Variants in PCGF3 observed in about 807,000 individuals in gnomAD.
The protein encoded by PCGF3 is polycomb group RING finger protein 3.
In PCGF3, 7 loss-of-function variants were observed where a neutral mutation model predicts 33.1. The observed-to-expected ratio is 0.21, with a 90% CI of 0.12 to 0.40. The LOEUF (loss-of-function observed/expected upper bound fraction) is 0.40, where lower values mean the gene tolerates loss of function less well. Among genes scored for constraint, PCGF3 ranks in the 10% least tolerant of loss-of-function variants. The pLI, the probability that PCGF3 is intolerant of heterozygous loss-of-function variation, is 1.00. For synonymous variants in PCGF3, 153 were observed against 121.3 expected, an observed-to-expected ratio of 1.26 and a Z score of -1.72; for missense variants, 211 against 313.3, an observed-to-expected ratio of 0.67 and a Z score of 2.46.
chr4:709,535 CAAAT>C (rs1283439347), intron 1 of PCGF3, among the ~76,000 whole-genome samples: 3 of 152,254 alleles, frequency 2.0e-5, no homozygotes, highest in East Asian at 1.9e-4. Context: ...GATGTATGAA[CAAAT>C]GAATGAAAGG....
intron 9 of PCGF3, chr4:762,265 G>T: frequency 4.2e-6 from 1 of 240,416 alleles, no homozygotes; most frequent in Non-Finnish European, 6.7e-6. Flanking sequence ...CATGACACAA[G>T]TGAGGCGGAG....
At chr4:733,934 A>G (rs1236525891) in intron 4 of PCGF3, 145 bp downstream of exon 4, 3 of 1,557,272 alleles carry the variant, frequency 1.9e-6, no homozygotes, top group South Asian at 1.2e-5. Context: ...GACGATCTTG[A>G]AGATAAGTCA....
chr4:765,082 A>G lies in PCGF3; in HGVS notation c.681+18A>G. 1 of 1,561,696 alleles carries G rather than the reference A, an allele frequency of 6.4e-7. No individual in the cohort carries two copies. The highest frequency in any genetic ancestry group is 1.7e-4 in the Middle Eastern group (1 of 5,944). On this transcript the variant is annotated intron_variant, in intron 10 of 10. Coordinates refer to ENST00000362003, the Ensembl canonical transcript of PCGF3. ...GATTCAAGGTGAGACACGTGATTTG[A>G]TTTTCAGAGTCTGCTCTGAATGGCA...
intron 1 of PCGF3, among the ~76,000 whole-genome samples, chr4:714,832 G>A (rs1335549749): frequency 2.6e-5 from 4 of 152,214 alleles, no homozygotes; most frequent in African/African-American, 9.6e-5. Context: ...TAGCTTATTT[G>A]GGACCTTAAT....
exon 11 of PCGF3, chr4:766,759 C>A (rs1331967949): frequency 6.6e-6 from 1 of 152,210 alleles, no homozygotes; most frequent in South Asian, 2.1e-4. Context: ...GCTGACACAC[C>A]CAGCCCTGGA....
At chr4:758,040 C>T (rs142984892) in intron 8 of PCGF3, among the ~76,000 whole-genome samples, 2,495 of 151,856 alleles carry the variant, frequency 0.016, 76 homozygotes, top group African/African-American at 0.056. Context: ...TGATGGTGCG[C>T]GCCTGTAGTC....
At chr4:708,395 A>G (rs1429374308) in intron 1 of PCGF3, among the ~76,000 whole-genome samples, 1 of 152,124 alleles carries the variant, frequency 6.6e-6, no homozygotes, top group Admixed American at 6.5e-5. Context: ...GGAATCCAGC[A>G]GTGTCCTGAA....
rs1223293307 is a variant in PCGF3, at chr4:766,018, C to A, written c.682-14C>A. The A allele has an allele frequency of 2.5e-6, 4 of 1,613,708 alleles. No individual in the cohort carries two copies. The highest frequency in any genetic ancestry group is 2.5e-6 in the Non-Finnish European group (3 of 1,179,608). On this transcript the variant is annotated splice_polypyrimidine_tract_variant and intron_variant, in intron 10 of 10. Transcript: ENST00000362003. ...CCCTGCTAAGCAGGCACTGTGCGTT[C>A]TTGTGTCTTCCAGAAGGCGCCGCTC...
intron 9 of PCGF3, chr4:761,662 T>C: frequency 1.0e-6 from 1 of 985,254 alleles, no homozygotes; most frequent in Non-Finnish European, 1.2e-6. Context: ...GCGGGGATGA[T>C]GAGACTGTTT....
chr4:753,979 A>G (rs1480840471), intron 8 of PCGF3, among the ~76,000 whole-genome samples: 1 of 152,180 alleles, frequency 6.6e-6, no homozygotes, highest in Non-Finnish European at 1.5e-5. Flanking sequence ...GCAGCTGCCC[A>G]GTGGACTTCA....
At chr4:726,584 G>A (rs979991294) in intron 1 of PCGF3, among the ~76,000 whole-genome samples, 5 of 152,128 alleles carry the variant, frequency 3.3e-5, no homozygotes, top group South Asian at 2.1e-4. Flanking sequence ...TTTCTGTCTC[G>A]TAAATCTTCT....
intron 1 of PCGF3, among the ~76,000 whole-genome samples, chr4:729,681 C>T (rs1036327081): frequency 5.3e-5 from 8 of 152,240 alleles, no homozygotes; most frequent in Non-Finnish European, 1.2e-4. Flanking sequence ...TAACTCTACT[C>T]TTTCCCTTCT....
intron 1 of PCGF3, among the ~76,000 whole-genome samples, chr4:706,531 A>C (rs1307469366): frequency 4.9e-5 from 7 of 144,254 alleles, no homozygotes; most frequent in Non-Finnish European, 1.1e-4. Flanking sequence ...CCAAGACCCC[A>C]GACCAGGCAG....
chr4:763,744 A>G (rs1745199590), intron 9 of PCGF3, among the ~76,000 whole-genome samples: 1 of 152,146 alleles, frequency 6.6e-6, no homozygotes, highest in African/African-American at 2.4e-5. Context: ...CCCACACAAA[A>G]ACCTGCACCC....
At chr4:708,877 C>T (rs757260634) in intron 1 of PCGF3, among the ~76,000 whole-genome samples, 3 of 152,154 alleles carry the variant, frequency 2.0e-5, no homozygotes, top group Non-Finnish European at 2.9e-5. Flanking sequence ...AGGCTATTTC[C>T]CACTCCCTCT....
chr4:765,547 A>G (rs6858101), intron 10 of PCGF3, among the ~76,000 whole-genome samples: 103,711 of 152,212 alleles, frequency 0.68, 35,663 homozygotes, highest in Middle Eastern at 0.85. Flanking sequence ...TGAGCTGCGA[A>G]GGGCACAGGC....
In PCGF3 at chr4:721,491, C is replaced by T. The variant is rs928530972; in HGVS notation, c.-189-9139C>T. On this transcript the variant is annotated intron_variant, in intron 1 of 10. Transcript: ENST00000362003. This position sits in a 1 kb window ranked among gnomAD's most constrained non-coding sequence, Gnocchi z 4.1. Reference sequence around the variant, plus strand: ...GAGGCGTCCAGGCTGCAGAGGGTGCCGGGGTGGAGAGCGGAAGAGAGAGGG... The same window carrying T: ...GAGGCGTCCAGGCTGCAGAGGGTGCTGGGGTGGAGAGCGGAAGAGAGAGGG... Among the ~76,000 whole-genome samples the T allele has an allele frequency of 5.9e-5, 9 of 151,986 alleles. No individual in the cohort carries two copies. The highest frequency in any genetic ancestry group is 8.8e-5 in the Non-Finnish European group (6 of 67,988).
chr4:730,739 C>A, intron 2 of PCGF3, 71 bp downstream of exon 2: 1 of 331,210 alleles, frequency 3.0e-6, no homozygotes. Flanking sequence ...CGGGACCACG[C>A]TTTGTGCATG....
rs112398724 is a variant in PCGF3 at position 720,632 on chromosome 4, C to T, written c.-189-9998C>T. 1.5e-3 allele frequency among the ~76,000 whole-genome samples: 227 copies of T among 148,222 alleles called. No homozygotes were observed. The highest frequency in any genetic ancestry group is 5.2e-3 in the African/African-American group (207 of 39,816). On this transcript the variant is annotated intron_variant, in intron 1 of 10. Coordinates refer to ENST00000362003, the Ensembl canonical transcript of PCGF3. The surrounding 1 kb of genome is among the most constrained non-coding windows in gnomAD (Gnocchi z 5.6). ...CCCGGGGTGGACGGGCGGTGACGTG[C>T]GTGTGGACCCGGGGTGGACGGGCGG...
Sources: allele counts gnomAD v4.1 joint callset (sites outside exome capture counted in the v4.1 genomes callset), GRCh38; gene constraint gnomAD v4.1.1; non-coding constraint Gnocchi (gnomAD v3.1); transcripts MANE v1.5; gene names NCBI Gene and HGNC (gene_info 2026-07-23, HGNC 2026-07-21).